ZFAND3: variants seen among roughly 807,000 people sequenced by gnomAD.
ZFAND3 encodes AN1-type zinc finger protein 3.
Under a neutral mutation model 29.6 loss-of-function variants are expected in ZFAND3, and 10 were observed. The ratio of observed to expected loss-of-function variants is 0.34; its 90% CI spans 0.21 to 0.57. ZFAND3 has a LOEUF of 0.57. Ranked by LOEUF, ZFAND3 falls within the 20% of genes least tolerant of loss-of-function variation. The pLI is 0.86. For synonymous variants in ZFAND3, 128 were observed against 112.6 expected (o/e 1.14, Z -0.87); for missense variants, 230 against 304.5 (o/e 0.76, Z 1.82).
chr6:38,122,889 G>A (rs1765562006), intron 5 of ZFAND3, among the ~76,000 whole-genome samples: 1 of 152,198 alleles, frequency 6.6e-6, no homozygotes, highest in Non-Finnish European at 1.5e-5. Flanking sequence ...ACTCAGATAT[G>A]GGAAATGAGG....
intron 2 of ZFAND3, among the ~76,000 whole-genome samples, chr6:38,040,742 T>C (rs1321918247): frequency 6.6e-6 from 1 of 152,162 alleles, no homozygotes; most frequent in Non-Finnish European, 1.5e-5. Flanking sequence ...TTCTGAACCA[T>C]TTGAGCATAA....
At chr6:38,025,423 GAT>G (rs1763429226) in intron 2 of ZFAND3, among the ~76,000 whole-genome samples, 1 of 152,128 alleles carries the variant, frequency 6.6e-6, no homozygotes, top group Non-Finnish European at 1.5e-5. Context: ...TGGAAGAAAA[GAT>G]AATTTCTCTG....
chr6:37,873,660 A>T (rs1764741124), intron 1 of ZFAND3, among the ~76,000 whole-genome samples: 1 of 152,220 alleles, frequency 6.6e-6, no homozygotes, highest in South Asian at 2.1e-4. Context: ...AAATGATAAC[A>T]AATTGATCTT....
intron 1 of ZFAND3, among the ~76,000 whole-genome samples, chr6:37,903,091 C>T (rs1374988816): frequency 6.6e-6 from 1 of 152,062 alleles, no homozygotes; most frequent in Non-Finnish European, 1.5e-5. Context: ...CTTTGATCAC[C>T]AGTCTTGAAA....
rs565802728 is a variant in ZFAND3, at chr6:37,908,966, A to ATTAG, written c.72-20990_72-20987dup. On this transcript the variant is annotated intron_variant, in intron 1 of 5. Transcript: ENST00000287218. ...TAAAAAATAATTTCATAAGTTGTGTATTAGTTGAAGACATTTGACATTGTC... is the reference window on the plus strand; with the variant it reads ...TAAAAAATAATTTCATAAGTTGTGTATTAGTTAGTTGAAGACATTTGACATTGTC... Among the ~76,000 whole-genome samples the ATTAG allele has an allele frequency of 6.1e-4, 93 of 152,264 alleles. 1 individual carries two copies. The highest frequency in any genetic ancestry group is 2.2e-3 in the African/African-American group (90 of 41,534).
chr6:38,062,130 A>G (rs1240141724), intron 3 of ZFAND3, among the ~76,000 whole-genome samples: 1 of 151,952 alleles, frequency 6.6e-6, no homozygotes, highest in Non-Finnish European at 1.5e-5. Flanking sequence ...GTTATTTTTA[A>G]CTCCGCAGAG....
intron 2 of ZFAND3, among the ~76,000 whole-genome samples, chr6:37,944,272 A>G (rs932962531): frequency 6.6e-6 from 1 of 152,234 alleles, no homozygotes; most frequent in Non-Finnish European, 1.5e-5. Flanking sequence ...CAAAAACACT[A>G]TCTGCATCAT....
At chr6:38,067,894 T>C (rs1021430743) in intron 3 of ZFAND3, among the ~76,000 whole-genome samples, 10 of 152,158 alleles carry the variant, frequency 6.6e-5, no homozygotes, top group African/African-American at 2.4e-4. Context: ...AGTTTTTGGA[T>C]TTTTCTTCCC....
In ZFAND3 at chr6:37,970,705, G is replaced by T. The variant is rs2842520; in HGVS notation, c.112+40706G>T. ...GATCATGAGGTCAGGAGATCGAGAC[G>T]GTCCTGGCTAACATGGTGAAACCCC... On this transcript the variant is annotated intron_variant, in intron 2 of 5. Transcript: ENST00000287218. 4.9e-3 allele frequency among the ~76,000 whole-genome samples: 745 copies of T among 152,208 alleles called. 8 individuals are homozygous for T. The highest frequency in any genetic ancestry group is 0.015 in the African/African-American group (608 of 41,478).
chr6:38,018,918 C>T (rs1268129582), intron 2 of ZFAND3, among the ~76,000 whole-genome samples: 1 of 152,134 alleles, frequency 6.6e-6, no homozygotes, highest in African/African-American at 2.4e-5. Context: ...GTTTGAGAGT[C>T]CATTCTCCTG....
At chr6:38,029,994 A>G (rs1454443942) in intron 2 of ZFAND3, among the ~76,000 whole-genome samples, 1 of 65,972 alleles carries the variant, frequency 1.5e-5, no homozygotes, top group Non-Finnish European at 3.5e-5. Flanking sequence ...GTCTGGTATC[A>G]AATTTATTCT....
chr6:38,108,938 A>G (rs1471908731), intron 4 of ZFAND3, among the ~76,000 whole-genome samples: 3 of 152,174 alleles, frequency 2.0e-5, no homozygotes. Flanking sequence ...CCTTTTCTAT[A>G]TGTTTGAAAT....
chr6:37,937,111 A>C (rs1761712212), intron 2 of ZFAND3, among the ~76,000 whole-genome samples: 1 of 152,174 alleles, frequency 6.6e-6, no homozygotes, highest in Non-Finnish European at 1.5e-5. Context: ...CCAGAGTAAA[A>C]GTGGTCTGAT....
intron 2 of ZFAND3, among the ~76,000 whole-genome samples, chr6:38,046,945 C>G (rs1032993332): frequency 6.6e-6 from 1 of 151,712 alleles, no homozygotes; most frequent in Non-Finnish European, 1.5e-5. Context: ...CCCACATTGT[C>G]TAGTAATCAG....
chr6:37,933,237 ATTTTC>A (rs1463687823), intron 2 of ZFAND3, among the ~76,000 whole-genome samples: 3 of 152,256 alleles, frequency 2.0e-5, no homozygotes, highest in African/African-American at 4.8e-5. Context: ...TAGGTTAAAC[ATTTTC>A]TTTTCAAGAT....
chr6:37,945,559 G>A (rs1561942604), intron 2 of ZFAND3, among the ~76,000 whole-genome samples: 1 of 152,122 alleles, frequency 6.6e-6, no homozygotes, highest in Non-Finnish European at 1.5e-5. Context: ...ATTTTTAGTA[G>A]AGATGAGGTT....
chr6:38,034,513 ACAT>A (rs1312128700), intron 2 of ZFAND3, among the ~76,000 whole-genome samples: 1 of 152,224 alleles, frequency 6.6e-6, no homozygotes, highest in Non-Finnish European at 1.5e-5. Context: ...CAGAGGGAGC[ACAT>A]CATGTGTTTG....
In ZFAND3 at chr6:38,153,932, C is replaced by T; in HGVS notation, c.*1543C>T. On this transcript the variant is annotated 3_prime_UTR_variant, in exon 6 of 6. Coordinates refer to ENST00000287218, the MANE Select transcript of ZFAND3 (RefSeq NM_021943.3). ...TTATAAAACAACAAATGGTTCAACT[C>T]TGTCTGCAAATTAACAGCTGAACAC... 1 of 985,442 alleles carries T rather than the reference C, an allele frequency of 1.0e-6. No individual in the cohort carries two copies. The highest frequency in any genetic ancestry group is 1.2e-6 in the Non-Finnish European group (1 of 829,942). The allele number at this position is 985,442 out of a possible 1,614,324, so 61.0% of individuals were successfully genotyped here. A position where few individuals can be genotyped will look rare whatever the true frequency, so the allele number is the denominator to read the frequency against.
intron 2 of ZFAND3, among the ~76,000 whole-genome samples, chr6:38,054,744 A>G (rs1483294314): frequency 6.6e-6 from 1 of 152,206 alleles, no homozygotes; most frequent in Non-Finnish European, 1.5e-5. Context: ...TAAGGTGATA[A>G]GGTTTTCATA....
Sources: gnomAD v4.1 joint callset for allele counts (sites outside exome capture counted in the v4.1 genomes callset) on GRCh38, gnomAD v4.1.1 for gene constraint, MANE v1.5 for transcripts, NCBI Gene and HGNC (gene_info 2026-07-23, HGNC 2026-07-21) for gene names.